MACROD2: variants seen among roughly 807,000 people sequenced by gnomAD.
The protein encoded by MACROD2 is ADP-ribose glycohydrolase MACROD2.
MACROD2 carries 36 observed loss-of-function variants against 70.4 expected under a neutral mutation model. The observed-to-expected ratio is 0.51, with a 90% confidence interval of 0.39 to 0.68. MACROD2 has a LOEUF of 0.68. MACROD2 is among the 30% of genes least tolerant of loss of function. The pLI, the probability that MACROD2 is intolerant of heterozygous loss-of-function variation, is 0.00. For synonymous variants in MACROD2, 172 were observed against 178.8 expected, an observed-to-expected ratio of 0.96 and a Z score of 0.30; for missense variants, 496 against 538.4, an observed-to-expected ratio of 0.92 and a Z score of 0.78.
intron 8 of MACROD2, among the ~76,000 whole-genome samples, chr20:15,522,816 G>T (rs1032943587): frequency 7.2e-5 from 11 of 152,136 alleles, no homozygotes; most frequent in African/African-American, 2.7e-4. Flanking sequence ...GTATGGCAAG[G>T]GTTTCTGGTA....
At chr20:16,000,711 T>A (rs2066698172) in intron 15 of MACROD2, among the ~76,000 whole-genome samples, 1 of 152,226 alleles carries the variant, frequency 6.6e-6, no homozygotes, top group Non-Finnish European at 1.5e-5. Flanking sequence ...CAGACTTGCA[T>A]TATGACTGTG....
intron 8 of MACROD2, among the ~76,000 whole-genome samples, chr20:15,515,409 A>G (rs2047554038): frequency 6.6e-6 from 1 of 152,236 alleles, no homozygotes; most frequent in Non-Finnish European, 1.5e-5. Flanking sequence ...TTGAGATTAC[A>G]GAGTAAAATC....
At chr20:15,032,908 A>C (rs184703203) in intron 5 of MACROD2, among the ~76,000 whole-genome samples, 3 of 152,356 alleles carry the variant, frequency 2.0e-5, no homozygotes, top group African/African-American at 7.2e-5. Flanking sequence ...AAAGGAATGG[A>C]ATTCTGTTAT....
chr20:15,722,937 T>G (rs779919997), intron 8 of MACROD2, among the ~76,000 whole-genome samples: 1 of 152,194 alleles, frequency 6.6e-6, no homozygotes, highest in Non-Finnish European at 1.5e-5. Flanking sequence ...CTTTTCTATA[T>G]TAATATCCAG....
At chr20:14,338,959 C>G (rs2082982824) in intron 3 of MACROD2, among the ~76,000 whole-genome samples, 2 of 152,248 alleles carry the variant, frequency 1.3e-5, no homozygotes, top group Admixed American at 6.5e-5. Context: ...GGACCGTTGT[C>G]TTAAACTAAT....
rs550860819 is a variant in MACROD2 at position 14,038,139 on chromosome 20, CA to C, written c.163+35740del. Among the ~76,000 whole-genome samples the C allele has an allele frequency of 3.6e-3, 550 of 152,108 alleles. 1 individual carries two copies. Among genetic ancestry groups the C allele is most frequent in the Admixed American group, 6.3e-3 (97 of 15,282 alleles). On this transcript the variant is annotated intron_variant, in intron 2 of 17. Coordinates refer to ENST00000684519, the MANE Select transcript of MACROD2 (RefSeq NM_001351661.2). ...TGAAACCCCGTCTCTACTAAAAATACAAAAATTATCTGGGTGTGGTGGTGGG... is the reference window on the plus strand; with the variant it reads ...TGAAACCCCGTCTCTACTAAAAATACAAAATTATCTGGGTGTGGTGGTGGG...
chr20:14,335,442 C>T (rs1208475394), intron 3 of MACROD2, among the ~76,000 whole-genome samples: 5 of 151,964 alleles, frequency 3.3e-5, no homozygotes, highest in Admixed American at 6.5e-5. Context: ...ATTGTAGGCT[C>T]CTTAATTAAC....
chr20:15,125,538 C>T (rs1317492161), intron 5 of MACROD2, among the ~76,000 whole-genome samples: 1 of 151,998 alleles, frequency 6.6e-6, no homozygotes, highest in Non-Finnish European at 1.5e-5. Flanking sequence ...AGTTTGGGAA[C>T]GTTTCTGCTG....
chr20:15,689,356 AGT>A (rs1451420024), intron 8 of MACROD2, among the ~76,000 whole-genome samples: 1 of 152,054 alleles, frequency 6.6e-6, no homozygotes, highest in African/African-American at 2.4e-5. Flanking sequence ...TAGCTTTTAG[AGT>A]GTGGAGTCAC....
At chr20:14,596,053 A>T (rs1290042122) in intron 4 of MACROD2, among the ~76,000 whole-genome samples, 1 of 151,908 alleles carries the variant, frequency 6.6e-6, no homozygotes, top group Non-Finnish European at 1.5e-5. Flanking sequence ...ATGTGTTTCC[A>T]CACATACACC....
At chr20:14,315,938 A>G (rs570126288) in intron 3 of MACROD2, among the ~76,000 whole-genome samples, 15 of 152,336 alleles carry the variant, frequency 9.8e-5, no homozygotes, top group Middle Eastern at 6.8e-3. Flanking sequence ...TGAATATAAC[A>G]TAACAATAAT....
chr20:14,349,822 T>C (rs1463601691), intron 3 of MACROD2, among the ~76,000 whole-genome samples: 5 of 149,206 alleles, frequency 3.4e-5, no homozygotes, highest in Middle Eastern at 3.5e-3. Flanking sequence ...TTCTTTTTTT[T>C]TTTTTTTTGC....
At chr20:14,223,674 A>G (rs1389031432) in intron 3 of MACROD2, among the ~76,000 whole-genome samples, 2 of 151,694 alleles carry the variant, frequency 1.3e-5, no homozygotes, top group African/African-American at 4.8e-5. Context: ...TGCCCAGCCA[A>G]TTTTTGTATT....
chr20:15,978,582 G>GTCTCTCTCTCTCTCTCTCTCTCTCTC (rs59205516), intron 13 of MACROD2, among the ~76,000 whole-genome samples: 9 of 146,324 alleles, frequency 6.2e-5, no homozygotes, highest in African/African-American at 2.3e-4. Flanking sequence ...CTGACCTTGG[G>GTCTCTCTCTCTCTCTCTCTCTCTCTC]TCTCTCTCTC....
At chr20:14,945,262 G>A (rs1473380482) in intron 5 of MACROD2, among the ~76,000 whole-genome samples, 1 of 151,764 alleles carries the variant, frequency 6.6e-6, no homozygotes, top group Non-Finnish European at 1.5e-5. Flanking sequence ...GGATTTAATA[G>A]AGCTGGGTTT....
chr20:15,253,245 T>C (rs550587257), intron 6 of MACROD2, among the ~76,000 whole-genome samples: 1 of 152,302 alleles, frequency 6.6e-6, no homozygotes, highest in African/African-American at 2.4e-5. Context: ...ATTTAGGTAA[T>C]GCCTATGGCT....
chr20:14,380,451 G>A (rs1160958475), intron 3 of MACROD2, among the ~76,000 whole-genome samples: 1 of 151,846 alleles, frequency 6.6e-6, no homozygotes, highest in Non-Finnish European at 1.5e-5. Flanking sequence ...TTTTTTGTGT[G>A]TGCTTTTGTT....
intron 3 of MACROD2, among the ~76,000 whole-genome samples, chr20:14,143,272 T>C (rs371304306): frequency 1.6e-4 from 24 of 152,334 alleles, no homozygotes; most frequent in African/African-American, 5.1e-4. Context: ...CTGGGCTGTT[T>C]AGTGAGAAAT....
chr20:14,945,850 G>T (rs2074427201), intron 5 of MACROD2, among the ~76,000 whole-genome samples: 1 of 152,082 alleles, frequency 6.6e-6, no homozygotes, highest in Non-Finnish European at 1.5e-5. Context: ...TTTTATGGTG[G>T]CCTCACTTGT....
Sources: allele counts gnomAD v4.1 joint callset (sites outside exome capture counted in the v4.1 genomes callset), GRCh38; gene constraint gnomAD v4.1.1; transcripts MANE v1.5; gene names NCBI Gene and HGNC (gene_info 2026-07-23, HGNC 2026-07-21).